Variants in CCDC102B observed in about 807,000 individuals in gnomAD.
CCDC102B encodes the protein coiled-coil domain containing 102B.
In CCDC102B, 75 loss-of-function variants were observed where a neutral mutation model predicts 57.4. The ratio of observed to expected loss-of-function variants is 1.31; its 90% CI spans 1.08 to 1.58. CCDC102B has a LOEUF of 1.58. Among genes scored for constraint, CCDC102B ranks in the 40% most tolerant of loss-of-function variants. The pLI, the probability that CCDC102B is intolerant of heterozygous loss-of-function variation, is 0.00. For missense variants in CCDC102B, 636 were observed against 582.6 expected (o/e 1.09, Z -0.94); for synonymous variants, 206 against 201.9 (o/e 1.02, Z -0.17).
chr18:68,920,279 G>A lies in CCDC102B; in HGVS notation c.1263+22851G>A, dbSNP rs539840455. ...TACCCAACTTCAAACTGTATTACAG[G>A]GCTACAGTAACCAAAACAGCATAGT... On this transcript the variant is annotated intron_variant, in intron 6 of 7. Transcript: ENST00000360242. 1.9e-3 allele frequency among the ~76,000 whole-genome samples: 294 copies of A among 152,078 alleles called. 2 individuals carry two copies. The highest frequency in any genetic ancestry group is 6.9e-3 in the African/African-American group (286 of 41,488).
chr18:68,925,470 G>A (rs1190007304), intron 6 of CCDC102B, among the ~76,000 whole-genome samples: 1 of 151,850 alleles, frequency 6.6e-6, no homozygotes, highest in African/African-American at 2.4e-5. Context: ...AGGGGTAGGG[G>A]GTGACATCAG....
chr18:68,823,625 T>C (rs908265132), intron 1 of CCDC102B, among the ~76,000 whole-genome samples: 3 of 152,152 alleles, frequency 2.0e-5, no homozygotes, highest in African/African-American at 7.2e-5. Flanking sequence ...CTTTAACAAA[T>C]CTCCGAATTG....
chr18:68,990,054 G>A (rs1374956995), intron 6 of CCDC102B, among the ~76,000 whole-genome samples: 1 of 152,106 alleles, frequency 6.6e-6, no homozygotes, highest in Non-Finnish European at 1.5e-5. Flanking sequence ...ACATTCATTC[G>A]TGTTCCAAAA....
At chr18:68,870,226 A>G (rs924700134) in intron 4 of CCDC102B, among the ~76,000 whole-genome samples, 6 of 152,142 alleles carry the variant, frequency 3.9e-5, no homozygotes, top group Non-Finnish European at 5.9e-5. Flanking sequence ...GAGTGAGAGC[A>G]TTAGGATGAA....
At chr18:68,913,310 C>CTGTGTGTGTGTGTGTGTGTGTGTGTG in intron 6 of CCDC102B, among the ~76,000 whole-genome samples, 3 of 135,594 alleles carry the variant, frequency 2.2e-5, no homozygotes, top group Middle Eastern at 7.4e-3. Context: ...TGGTTAGTGT[C>CTGTGTGTGTGTGTGTGTGTGTGTGTG]TGTGTGTGTG....
intron 2 of CCDC102B, among the ~76,000 whole-genome samples, chr18:68,763,606 C>T (rs1362487756): frequency 6.6e-6 from 1 of 151,866 alleles, no homozygotes; most frequent in East Asian, 1.9e-4. Context: ...TCTTTCTATA[C>T]TCAATAATGA....
chr18:68,969,757 A>G (rs2050255653), intron 6 of CCDC102B, among the ~76,000 whole-genome samples: 1 of 152,064 alleles, frequency 6.6e-6, no homozygotes, highest in South Asian at 2.1e-4. Context: ...ATTTTTAACT[A>G]TGATCATGTT....
intron 6 of CCDC102B, among the ~76,000 whole-genome samples, chr18:68,904,394 C>T (rs904312994): frequency 2.6e-5 from 4 of 152,066 alleles, no homozygotes; most frequent in African/African-American, 4.8e-5. Flanking sequence ...GTAGGTCCTG[C>T]GTAAATTCAT....
At chr18:68,839,212 G>A (rs1334048289) in intron 3 of CCDC102B, among the ~76,000 whole-genome samples, 2 of 152,132 alleles carry the variant, frequency 1.3e-5, no homozygotes, top group African/African-American at 4.8e-5. Context: ...AATGTACAAG[G>A]TTAAAATATC....
chr18:68,819,755 C>T (rs7238949), intron 1 of CCDC102B, among the ~76,000 whole-genome samples: 66,458 of 151,724 alleles, frequency 0.44, 15,810 homozygotes, highest in East Asian at 0.86. Context: ...GTTTCTCTTA[C>T]GAGTGTATTG....
chr18:68,788,555 G>T (rs1357802332), intron 2 of CCDC102B, among the ~76,000 whole-genome samples: 1 of 150,752 alleles, frequency 6.6e-6, no homozygotes, highest in South Asian at 2.1e-4. Flanking sequence ...AGCTCTTCTT[G>T]TTGAATTGAT....
downstream of CCDC102B, among the ~76,000 whole-genome samples, chr18:69,057,616 C>A (rs143894748): frequency 1.3e-5 from 2 of 151,974 alleles, no homozygotes; most frequent in Non-Finnish European, 2.9e-5. Context: ...GTTATAGGGA[C>A]GTTCCAGATT....
intron 1 of CCDC102B, among the ~76,000 whole-genome samples, chr18:68,809,141 TG>T (rs2036150634): frequency 6.6e-6 from 1 of 152,206 alleles, no homozygotes; most frequent in Non-Finnish European, 1.5e-5. Context: ...AAATCCAGCC[TG>T]CGGTAATTTG....
intron 6 of CCDC102B, among the ~76,000 whole-genome samples, chr18:68,927,965 G>T (rs528690045): frequency 1.3e-5 from 2 of 151,874 alleles, no homozygotes; most frequent in African/African-American, 4.8e-5. Context: ...CACACAAAAC[G>T]TTTAACTTAC....
chr18:68,910,923 GAA>G (rs34251212), intron 6 of CCDC102B, among the ~76,000 whole-genome samples: 27 of 147,392 alleles, frequency 1.8e-4, no homozygotes, highest in African/African-American at 3.0e-4. Flanking sequence ...TAAAAAGGGG[GAA>G]AAAAAAAAAA....
At chr18:68,935,181 A>G (rs2041801368) in intron 6 of CCDC102B, among the ~76,000 whole-genome samples, 1 of 152,028 alleles carries the variant, frequency 6.6e-6, no homozygotes, top group Non-Finnish European at 1.5e-5. Context: ...AATCAGAGCT[A>G]GAGAGATTTT....
At chr18:68,752,859 C>T (rs1394104431) in intron 2 of CCDC102B, among the ~76,000 whole-genome samples, 1 of 152,038 alleles carries the variant, frequency 6.6e-6, no homozygotes, top group Admixed American at 6.6e-5. Context: ...ATTACTCAAC[C>T]TTCTTGATAA....
intron 2 of CCDC102B, among the ~76,000 whole-genome samples, chr18:68,736,777 A>G (rs537976230): frequency 7.2e-5 from 11 of 152,240 alleles, no homozygotes; most frequent in South Asian, 4.2e-4. Context: ...CCATGATTCA[A>G]TTACCTCCCC....
intron 2 of CCDC102B, chr18:68,716,681 C>G (rs773623398): frequency 2.0e-5 from 3 of 152,244 alleles, no homozygotes; most frequent in Non-Finnish European, 2.9e-5. Context: ...TGCCTATTAT[C>G]CCAGCACTTT....
Sources: gnomAD v4.1 joint callset for allele counts (sites outside exome capture counted in the v4.1 genomes callset) on GRCh38, gnomAD v4.1.1 for gene constraint, MANE v1.5 for transcripts, NCBI Gene and HGNC (gene_info 2026-07-23, HGNC 2026-07-21) for gene names.